PRR16: variants seen among roughly 807,000 people sequenced by gnomAD.
The protein encoded by PRR16 is protein Largen.
PRR16 carries 6 observed loss-of-function variants against 18.2 expected under a neutral mutation model. The ratio of observed to expected loss-of-function variants is 0.33; its 90% CI spans 0.18 to 0.65. The LOEUF is 0.65. Ranked by LOEUF, PRR16 falls within the 30% of genes least tolerant of loss-of-function variation. PRR16 has a pLI of 0.74. For synonymous variants in PRR16, 151 were observed against 147.8 expected, an observed-to-expected ratio of 1.02 and a Z score of -0.16; for missense variants, 412 against 376.6, an observed-to-expected ratio of 1.09 and a Z score of -0.78.
chr5:120,794,421 C>A, the PRR16 span, among the ~76,000 whole-genome samples: 2 of 152,000 alleles, frequency 1.3e-5, no homozygotes, highest in African/African-American at 4.8e-5. Flanking sequence ...GTAATTCTTA[C>A]GCTATTTCAA....
the PRR16 span, among the ~76,000 whole-genome samples, chr5:120,742,373 C>G: frequency 6.7e-6 from 1 of 150,000 alleles, no homozygotes; most frequent in Non-Finnish European, 1.5e-5. Flanking sequence ...GTTTATAATG[C>G]TCTTTTTCTC....
chr5:120,524,524 G>C (rs895734432), intron 1 of PRR16, among the ~76,000 whole-genome samples: 2 of 152,032 alleles, frequency 1.3e-5, no homozygotes, highest in Non-Finnish European at 1.5e-5. Context: ...ACCATAGGCT[G>C]GGAAGGGTAG....
chr5:120,757,962 G>A, the PRR16 span, among the ~76,000 whole-genome samples: 1 of 152,022 alleles, frequency 6.6e-6, no homozygotes, highest in African/African-American at 2.4e-5. Context: ...GATAAATAAG[G>A]AGTGAGTAAT....
chr5:120,526,421 G>A (rs1167298272), intron 1 of PRR16, among the ~76,000 whole-genome samples: 3 of 151,954 alleles, frequency 2.0e-5, no homozygotes, highest in African/African-American at 4.8e-5. Flanking sequence ...TTCTCTTTCT[G>A]AATTTGGAAT....
intron 1 of PRR16, among the ~76,000 whole-genome samples, chr5:120,565,360 A>G (rs1460805957): frequency 6.6e-6 from 1 of 152,206 alleles, no homozygotes; most frequent in East Asian, 1.9e-4. Flanking sequence ...AGATATAGAA[A>G]GTGGTAAGTT....
intron 1 of PRR16, among the ~76,000 whole-genome samples, chr5:120,624,636 A>G (rs1029945629): frequency 6.6e-6 from 1 of 152,088 alleles, no homozygotes; most frequent in African/African-American, 2.4e-5. Context: ...ATAGATACTA[A>G]TTCATAGGGG....
At chr5:120,558,916 T>C (rs1303407908) in intron 1 of PRR16, among the ~76,000 whole-genome samples, 2 of 151,984 alleles carry the variant, frequency 1.3e-5, no homozygotes, top group East Asian at 3.9e-4. Context: ...ACCTTTTCAT[T>C]TGCCTGTTTG....
intron 1 of PRR16, among the ~76,000 whole-genome samples, chr5:120,669,579 A>G (rs1225638165): frequency 6.6e-6 from 1 of 152,076 alleles, no homozygotes; most frequent in Non-Finnish European, 1.5e-5. Flanking sequence ...TAGAGCCCAT[A>G]TATCTAATCC....
At chr5:120,578,259 G>A (rs1187424036) in intron 1 of PRR16, among the ~76,000 whole-genome samples, 2 of 151,990 alleles carry the variant, frequency 1.3e-5, no homozygotes, top group Non-Finnish European at 2.9e-5. Flanking sequence ...TTAATTTTCT[G>A]AGTTACTATA....
At chr5:120,736,595 A>G in the PRR16 span, among the ~76,000 whole-genome samples, 1 of 80,702 alleles carries the variant, frequency 1.2e-5, no homozygotes. Context: ...ATTTTATATG[A>G]ATTTTTAGAG....
intron 1 of PRR16, among the ~76,000 whole-genome samples, chr5:120,636,578 A>G (rs1014270509): frequency 5.9e-5 from 9 of 152,208 alleles, no homozygotes; most frequent in African/African-American, 2.2e-4. Context: ...CTGGCTAGCC[A>G]CATGTAGAAG....
At chr5:120,709,251 C>A in the PRR16 span, among the ~76,000 whole-genome samples, 1 of 151,926 alleles carries the variant, frequency 6.6e-6, no homozygotes, top group Non-Finnish European at 1.5e-5. Context: ...TCGTGATCTG[C>A]CCGCCTGGGC....
the PRR16 span, among the ~76,000 whole-genome samples, chr5:120,745,484 TC>T: frequency 6.6e-6 from 1 of 152,064 alleles, no homozygotes; most frequent in South Asian, 2.1e-4. Flanking sequence ...CACCTTTATC[TC>T]CCTCTGCTTC....
chr5:120,586,856 A>G (rs1290152338), intron 1 of PRR16, among the ~76,000 whole-genome samples: 7 of 152,178 alleles, frequency 4.6e-5, no homozygotes, highest in African/African-American at 1.4e-4. Flanking sequence ...AAAGCTGGAA[A>G]TGATTAAACT....
At chr5:120,615,711 T>G (rs1272534671) in intron 1 of PRR16, among the ~76,000 whole-genome samples, 5 of 152,142 alleles carry the variant, frequency 3.3e-5, no homozygotes, top group Non-Finnish European at 5.9e-5. Flanking sequence ...TTATTATTTT[T>G]AATTAGTATT....
At chr5:120,719,156 A>G in the PRR16 span, among the ~76,000 whole-genome samples, 1 of 152,094 alleles carries the variant, frequency 6.6e-6, no homozygotes, top group South Asian at 2.1e-4. Context: ...TATCATTGTT[A>G]TATACTTTTC....
chr5:120,466,874 A>T (rs760723883), intron 1 of PRR16, among the ~76,000 whole-genome samples: 29 of 152,192 alleles, frequency 1.9e-4, no homozygotes, highest in Non-Finnish European at 3.4e-4. Context: ...TATGACATAA[A>T]TAATGTGATG....
At chr5:120,464,669 G>C (rs1749017324) in intron 1 of PRR16, 24 bp downstream of exon 1, 3 of 1,535,496 alleles carry the variant, frequency 2.0e-6, no homozygotes, top group Non-Finnish European at 2.6e-6. Flanking sequence ...GGGTGGGGAG[G>C]GAGTTCGGCA....
the PRR16 span, among the ~76,000 whole-genome samples, chr5:120,788,469 G>T: frequency 1.3e-5 from 2 of 151,974 alleles, no homozygotes; most frequent in African/African-American, 4.8e-5. Context: ...TACTATTTAA[G>T]ATTTTTATTT....
Sources: gnomAD v4.1 joint callset for allele counts (sites outside exome capture counted in the v4.1 genomes callset) on GRCh38, gnomAD v4.1.1 for gene constraint, MANE v1.5 for transcripts, NCBI Gene and HGNC (gene_info 2026-07-23, HGNC 2026-07-21) for gene names.